NELFCD: variants seen among roughly 807,000 people sequenced by gnomAD.
NELFCD encodes the protein negative elongation factor C/D.
A neutral mutation model predicts 72.9 loss-of-function variants in NELFCD; 48 were observed. The ratio of observed to expected loss-of-function variants is 0.66; its 90% CI spans 0.52 to 0.84. The LOEUF (loss-of-function observed/expected upper bound fraction) is 0.84. Among genes scored for constraint, NELFCD ranks in the 40% least tolerant of loss-of-function variants. The probability of loss-of-function intolerance (pLI) is 0.00; values close to 1 mark genes in which losing one functional copy is unlikely to be tolerated. For missense variants in NELFCD, 538 were observed against 723.8 expected (o/e 0.74, Z 2.94); for synonymous variants, 297 against 280.6 (o/e 1.06, Z -0.59).
chr20:58,994,161 C>A lies in NELFCD; in HGVS notation c.1633C>A (p.Leu545Ile). 1.2e-6 allele frequency: 2 copies of A among 1,614,178 alleles called. No individual in the cohort carries two copies. The highest frequency in any genetic ancestry group is 1.7e-6 in the Non-Finnish European group (2 of 1,179,998). The change falls in exon 14 of 15, where the codon CTC becomes ATC. Residue 545 changes from leucine to isoleucine, a missense_variant. This residue lies in a region of NELFCD where 136 missense variants were observed against 154.0 expected (regional missense o/e 0.88). Transcript: ENST00000652272. ...TACCTCTGACTTCGTGCAACTTTTCCTCCCCATCCTGGAGAATGACAGCAT... is the reference window on the plus strand; with the variant it reads ...TACCTCTGACTTCGTGCAACTTTTCATCCCCATCCTGGAGAATGACAGCAT... ...PYTSDFVQLFLPILENDSIAG... is the reference protein window; with the variant it reads ...PYTSDFVQLFIPILENDSIAG...
At position 58,981,349 on chromosome 20, in the gene NELFCD, G is replaced by C; in HGVS notation, c.40G>C (p.Asp14His). 1.8e-6 allele frequency: 2 copies of C among 1,111,438 alleles called. No homozygotes were observed. The highest frequency in any genetic ancestry group is 2.2e-6 in the Non-Finnish European group (2 of 906,712). The allele number at this position is 1,111,438 out of a possible 1,614,324, so 68.8% of individuals were successfully genotyped here. ...CTACGGGAGCGCGGCCGAGTGGGGC[G>C]ACGAGGCTGACGGCGGCCAGGTGAG... Reference protein sequence around the residue: ...DYYGSAAEWGDEADGGQQEDD... With the variant: ...DYYGSAAEWGHEADGGQQEDD... The change falls in exon 1 of 15, where the codon GAC (aspartate) becomes CAC (histidine). Residue 14 changes from aspartate (D) to histidine (H), a missense_variant. Physicochemically the swap from Asp to His is moderately conservative, Grantham distance 81 (BLOSUM62 -1). Transcript: ENST00000652272.
chr20:58,989,941 C>T lies in NELFCD; in HGVS notation c.741C>T (p.Ser247=), dbSNP rs539943354. 2.7e-5 allele frequency: 43 copies of T among 1,614,050 alleles called. No homozygotes were observed. Among genetic ancestry groups the T allele is most frequent in the Middle Eastern group, 1.7e-4 (1 of 5,960 alleles). ...TGGCCCAGGAGGAGCAGGGGGGCTCCGCTGTGCGCAGGATCGCCCAGGAAG... is the reference window on the plus strand; with the variant it reads ...TGGCCCAGGAGGAGCAGGGGGGCTCTGCTGTGCGCAGGATCGCCCAGGAAG... ...SVLAQEEQGG[S]AVRRIAQEVQ... Residue 247 remains serine, a synonymous_variant, in exon 7 of 15, where the codon TCC becomes TCT. Coordinates refer to ENST00000652272, the MANE Select transcript of NELFCD (RefSeq NM_198976.4).
At position 58,993,536 on chromosome 20, in the gene NELFCD, A is replaced by C; in HGVS notation, c.1432A>C (p.Met478Leu). The change falls in exon 12 of 15, where the codon ATG becomes CTG. Residue 478 changes from methionine to leucine, a missense_variant. Met to Leu is a conservative substitution (Grantham distance 15). Coordinates refer to ENST00000652272, the MANE Select transcript of NELFCD (RefSeq NM_198976.4). The surrounding 1 kb of genome is among the most constrained non-coding windows in gnomAD (Gnocchi z 5.0). Reference protein sequence around the residue: ...FETEHSQLDVMEQLELKKTLL... With the variant: ...FETEHSQLDVLEQLELKKTLL... Reference sequence around the variant, plus strand: ...GACTGAGCACTCCCAGCTGGACGTGATGGAGCAGGTGAGCAGTGCCCGTGG... The same window carrying C: ...GACTGAGCACTCCCAGCTGGACGTGCTGGAGCAGGTGAGCAGTGCCCGTGG... The C allele has an allele frequency of 6.2e-7, 1 of 1,614,230 alleles. No homozygotes were observed. Among genetic ancestry groups the C allele is most frequent in the Non-Finnish European group, 8.5e-7 (1 of 1,180,030 alleles).
At chr20:58,985,873 G>T (rs1024321958) in intron 1 of NELFCD, among the ~76,000 whole-genome samples, 17 of 152,072 alleles carry the variant, frequency 1.1e-4, no homozygotes, top group Non-Finnish European at 2.4e-4. Flanking sequence ...AACGCGGTTT[G>T]CCAGGGAGGA....
chr20:58,984,997 A>G lies in NELFCD; in HGVS notation c.61-1096A>G, dbSNP rs529551533. ...AAGTCATCGGGTTCTGTCTGCTCCCAAAGCACTGCTTTTAGGATCTTAGTC... is the reference window on the plus strand; with the variant it reads ...AAGTCATCGGGTTCTGTCTGCTCCCGAAGCACTGCTTTTAGGATCTTAGTC... On this transcript the variant is annotated intron_variant, in intron 1 of 14. Transcript: ENST00000652272. 1.3e-4 allele frequency among the ~76,000 whole-genome samples: 20 copies of G among 152,356 alleles called. No homozygotes were observed. The East Asian group carries it at 3.3e-3, about 25-fold the overall frequency.
chr20:58,990,868 G>T lies in NELFCD; in HGVS notation c.789-42G>T. The stretch of plus-strand genomic sequence containing the variant: ...GTGTAAAAAAGAACAGAAAAAAGAA[G>T]CTGCCTTGTTAGTAACGGGGTCTAT... On this transcript the variant is annotated intron_variant, in intron 7 of 14. Transcript: ENST00000652272. The T allele has an allele frequency of 1.9e-6, 3 of 1,542,564 alleles. No individual in the cohort carries two copies. The South Asian group carries it at 3.5e-5, about 18-fold the overall frequency.
chr20:58,983,431 C>T (rs1038214205), intron 1 of NELFCD, among the ~76,000 whole-genome samples: 6 of 148,926 alleles, frequency 4.0e-5, no homozygotes, highest in South Asian at 2.1e-4. Flanking sequence ...CCACCGCACC[C>T]GGCCTTTTTT....
intron 7 of NELFCD, chr20:58,990,671 TCTG>T (rs1039665296): frequency 1.1e-4 from 45 of 422,188 alleles, no homozygotes; most frequent in Non-Finnish European, 1.2e-4. Context: ...AGCTTTATTT[TCTG>T]CTACCAATAG....
intron 1 of NELFCD, among the ~76,000 whole-genome samples, chr20:58,982,663 T>G (rs2091744158): frequency 6.6e-6 from 1 of 152,214 alleles, no homozygotes; most frequent in Non-Finnish European, 1.5e-5. Context: ...GTTAGCTGCC[T>G]GGTGGAAGCA....
At chr20:58,982,838 GCTAA>G (rs1180385935) in intron 1 of NELFCD, among the ~76,000 whole-genome samples, 2 of 152,174 alleles carry the variant, frequency 1.3e-5, no homozygotes, top group East Asian at 1.9e-4. Flanking sequence ...GTCAGACTTA[GCTAA>G]CTGAGAGCTT....
chr20:58,992,868 G>C (rs942402757), intron 10 of NELFCD, 130 bp from the exon 11 acceptor site: 17 of 621,526 alleles, frequency 2.7e-5, no homozygotes, highest in Non-Finnish European at 4.0e-5. Context: ...AAAAAAAAAG[G>C]GTTGGGGGGC....
intron 14 of NELFCD, 97 bp downstream of exon 14, chr20:58,994,336 G>A (rs1479554729): frequency 1.5e-6 from 2 of 1,323,532 alleles, no homozygotes; most frequent in Non-Finnish European, 2.1e-6. Context: ...GGCCAAGGTG[G>A]GTGGATCACC....
chr20:58,990,634 TAC>T, intron 7 of NELFCD: 1 of 346,482 alleles, frequency 2.9e-6, no homozygotes, highest in Non-Finnish European at 5.3e-6. Context: ...ATCTCATTGT[TAC>T]AGTGTCGCAA....
intron 6 of NELFCD, 47 bp from the exon 7 acceptor site, chr20:58,989,811 G>A (rs941739579): frequency 5.6e-6 from 9 of 1,613,488 alleles, no homozygotes; most frequent in East Asian, 2.2e-5. Flanking sequence ...CCGCCCGTCT[G>A]TGCTACAGTA....
At chr20:58,991,207 G>A (rs748173441) in intron 8 of NELFCD, 105 bp from the exon 9 acceptor site, 49 of 1,565,734 alleles carry the variant, frequency 3.1e-5, no homozygotes, top group Non-Finnish European at 3.8e-5. Context: ...CACACTCTCT[G>A]CCTGGAGCCT....
At chr20:58,984,865 C>T (rs145925588) in intron 1 of NELFCD, among the ~76,000 whole-genome samples, 168 of 152,268 alleles carry the variant, frequency 1.1e-3, no homozygotes, top group African/African-American at 3.8e-3. Context: ...GAACAGACAA[C>T]GTGGGAATGA....
intron 8 of NELFCD, 49 bp from the exon 9 acceptor site, chr20:58,991,263 C>T: frequency 6.2e-7 from 1 of 1,611,350 alleles, no homozygotes; most frequent in South Asian, 1.1e-5. Flanking sequence ...GGTGGGTGAG[C>T]AGTGCCCTCA....
At chr20:58,983,719 C>T (rs2091753152) in intron 1 of NELFCD, among the ~76,000 whole-genome samples, 1 of 152,160 alleles carries the variant, frequency 6.6e-6, no homozygotes. Context: ...AGCTACCGTG[C>T]CCGGCCTCAC....
intron 1 of NELFCD, among the ~76,000 whole-genome samples, chr20:58,984,467 A>G (rs1052901119): frequency 7.9e-5 from 12 of 152,130 alleles, no homozygotes; most frequent in African/African-American, 2.9e-4. Context: ...AAGAAGGACC[A>G]CCTTGGATAG....
Sources: gnomAD v4.1 joint callset for allele counts (sites outside exome capture counted in the v4.1 genomes callset) on GRCh38, gnomAD v4.1.1 for gene constraint, gnomAD v4.1.1 regional missense constraint, Gnocchi (gnomAD v3.1) non-coding constraint, MANE v1.5 for transcripts, NCBI Gene and HGNC (gene_info 2026-07-23, HGNC 2026-07-21) for gene names.